Variants in EPS8 observed in about 807,000 individuals in gnomAD.
EPS8 encodes the protein epidermal growth factor receptor kinase substrate 8.
A neutral mutation model predicts 103.8 loss-of-function variants in EPS8; 42 were observed. That is an observed-to-expected ratio of 0.40 (90% CI 0.32 to 0.52). The LOEUF (loss-of-function observed/expected upper bound fraction) is 0.52, where lower values mean the gene tolerates loss of function less well. Ranked by LOEUF, EPS8 falls within the 20% of genes least tolerant of loss-of-function variation. The probability of loss-of-function intolerance (pLI) is 0.40; values close to 1 mark genes in which losing one functional copy is unlikely to be tolerated. For synonymous variants in EPS8, 344 were observed against 344.6 expected (o/e 1.00, Z 0.02); for missense variants, 969 against 1,005.1 (o/e 0.96, Z 0.49).
At chr12:15,625,761 TCTC>T (rs1944934297) in intron 18 of EPS8, among the ~76,000 whole-genome samples, 1 of 151,992 alleles carries the variant, frequency 6.6e-6, no homozygotes, top group Non-Finnish European at 1.5e-5. Flanking sequence ...TATTCTCATC[TCTC>T]CAACTAAGTA....
rs1946536212 is a variant in EPS8 at position 15,716,631 on chromosome 12, C to T, written c.-21-33659G>A. On this transcript the variant is annotated intron_variant, in intron 1 of 20. Coordinates refer to ENST00000281172, the MANE Select transcript of EPS8 (RefSeq NM_004447.6). The surrounding 1 kb of genome is among the most constrained non-coding windows in gnomAD (Gnocchi z 5.0). ...AAAGCTCTTGAAGCTGGAAATTGCA[C>T]ACACACACATCTTTACTGGTAACCT... Among the ~76,000 whole-genome samples, 1 of 152,188 alleles carries T rather than the reference C, an allele frequency of 6.6e-6. No homozygotes were observed. Among genetic ancestry groups the T allele is most frequent in the Admixed American group, 6.5e-5 (1 of 15,286 alleles).
chr12:15,620,501 CAT>C lies in EPS8; in HGVS notation c.*814_*815del, dbSNP rs1303186500. On this transcript the variant is annotated 3_prime_UTR_variant, in exon 21 of 21. Coordinates refer to ENST00000281172, the MANE Select transcript of EPS8 (RefSeq NM_004447.6). ...ATGGCCCCACTTCCTTTTAACTACT[CAT>C]ATCAACATTCAGAACTGAGGCTTTC... 1.3e-5 allele frequency: 2 copies of C among 152,594 alleles called. No homozygotes were observed. Among genetic ancestry groups the C allele is most frequent in the African/African-American group, 2.4e-5 (1 of 41,452 alleles). The allele number at this position is 152,594 out of a possible 1,614,324, so 9.5% of individuals were successfully genotyped here. A position where few individuals can be genotyped will look rare whatever the true frequency, so the allele number is the denominator to read the frequency against.
At chr12:15,723,321 A>T (rs545080580) in intron 1 of EPS8, among the ~76,000 whole-genome samples, 1 of 152,126 alleles carries the variant, frequency 6.6e-6, no homozygotes, top group Admixed American at 6.5e-5. Flanking sequence ...AAAAAAATAT[A>T]TATATATCTT....
Position 15,724,990 on chromosome 12 carries a change from A to G in EPS8, c.-21-42018T>C, listed in dbSNP as rs541596803. On this transcript the variant is annotated intron_variant, in intron 1 of 20. Transcript: ENST00000281172. ...CAATGCATGAAAATAATAAGTCTTC[A>G]GTTCACTTTGTCATTTTGAATTATG... 5.3e-5 allele frequency among the ~76,000 whole-genome samples: 8 copies of G among 152,306 alleles called. No individual in the cohort carries two copies. The South Asian group carries it at 1.4e-3, about 28-fold the overall frequency.
intron 18 of EPS8, among the ~76,000 whole-genome samples, chr12:15,630,740 G>T (rs1348653324): frequency 6.6e-6 from 1 of 152,204 alleles, no homozygotes; most frequent in African/African-American, 2.4e-5. Flanking sequence ...GGCGACAGCA[G>T]GATGTAGTTA....
intron 1 of EPS8, among the ~76,000 whole-genome samples, chr12:15,739,064 A>G (rs369237557): frequency 3.9e-5 from 6 of 152,318 alleles, no homozygotes; most frequent in South Asian, 4.1e-4. Flanking sequence ...AATAGCTAAT[A>G]CTCACTGATA....
rs1270876378 is a variant in EPS8 at position 15,717,154 on chromosome 12, T to C, written c.-21-34182A>G. Among the ~76,000 whole-genome samples the C allele has an allele frequency of 6.6e-6, 1 of 152,222 alleles. No homozygotes were observed. Among genetic ancestry groups the C allele is most frequent in the African/African-American group, 2.4e-5 (1 of 41,450 alleles). On this transcript the variant is annotated intron_variant, in intron 1 of 20. Transcript: ENST00000281172. This position sits in a 1 kb window ranked among gnomAD's most constrained non-coding sequence, Gnocchi z 4.3. ...ATATGACTTATCTTTGGGAGAATCA[T>C]ATCTAACTACAATTATAGTCATGCA...
chr12:15,662,517 CACTGTG>C, intron 8 of EPS8: 1 of 988,134 alleles, frequency 1.0e-6, no homozygotes, highest in Non-Finnish European at 1.2e-6. Flanking sequence ...TACATTCCAA[CACTGTG>C]ACTACAATAA....
At chr12:15,740,073 C>G (rs1256232045) in intron 1 of EPS8, among the ~76,000 whole-genome samples, 8 of 151,840 alleles carry the variant, frequency 5.3e-5, no homozygotes, top group African/African-American at 1.9e-4. Flanking sequence ...AAAAAGCATG[C>G]TCAAAGAAAA....
chr12:15,644,924 T>A (rs1945295560), intron 15 of EPS8, among the ~76,000 whole-genome samples: 1 of 152,120 alleles, frequency 6.6e-6, no homozygotes, highest in Admixed American at 6.6e-5. Flanking sequence ...CATGTATTTA[T>A]CAACTATCCT....
In EPS8 at chr12:15,757,520, C is replaced by T. The variant is rs911652878; in HGVS notation, c.-22+31641G>A. Among the ~76,000 whole-genome samples the T allele has an allele frequency of 6.6e-6, 1 of 152,052 alleles. No homozygotes were observed. Among genetic ancestry groups the T allele is most frequent in the African/African-American group, 2.4e-5 (1 of 41,402 alleles). ...TGGCGCATGCCTGTAATCCCAGTTG[C>T]TCAGGAGGCTGAGGCAGGAGAATCG... is the stretch of plus-strand genomic sequence containing the variant. On this transcript the variant is annotated intron_variant, in intron 1 of 20. Transcript: ENST00000281172. This position sits in a 1 kb window ranked among gnomAD's most constrained non-coding sequence, Gnocchi z 4.1.
intron 18 of EPS8, among the ~76,000 whole-genome samples, chr12:15,629,088 G>A (rs1250498279): frequency 6.6e-6 from 1 of 152,196 alleles, no homozygotes; most frequent in African/African-American, 2.4e-5. Context: ...AAGGAAACAA[G>A]TATGTGTGTT....
chr12:15,663,956 T>A (rs1357260122), intron 8 of EPS8, among the ~76,000 whole-genome samples: 1,061 of 24,388 alleles, frequency 0.044, 45 homozygotes, highest in African/African-American at 0.15. Context: ...ATAATATATA[T>A]ATATATATAT....
Position 15,647,115 on chromosome 12 carries a change from A to G in EPS8, c.1568+12T>C. ...ATCCACAGCTCTCCAAAGGGTGCCC[A>G]TTAAATGTTACCTATCTATATGGCG... On this transcript the variant is annotated intron_variant, in intron 15 of 20. Transcript: ENST00000281172. 1 of 1,611,312 alleles carries G rather than the reference A, an allele frequency of 6.2e-7. No homozygotes were observed. Among genetic ancestry groups the G allele is most frequent in the Non-Finnish European group, 8.5e-7 (1 of 1,178,664 alleles).
At chr12:15,643,741 A>G (rs12813457) in intron 15 of EPS8, among the ~76,000 whole-genome samples, 289 of 7,680 alleles carry the variant, frequency 0.038, 10 homozygotes, top group Non-Finnish European at 0.19. Context: ...CTCTGTCTCG[A>G]AAAAAAAAAA....
At chr12:15,755,680 T>A (rs1946979418) in intron 1 of EPS8, among the ~76,000 whole-genome samples, 1 of 152,166 alleles carries the variant, frequency 6.6e-6, no homozygotes, top group Non-Finnish European at 1.5e-5. Context: ...CTGGTCTCTT[T>A]ATCCTAAGTA....
At position 15,631,592 on chromosome 12, in the gene EPS8, G is replaced by A; in HGVS notation, c.1894C>T (p.Pro632Ser). Residue 632 changes from proline to serine, a missense_variant, in exon 18 of 21, where the codon CCT (proline) becomes TCT (serine). Physicochemically the swap from Pro to Ser is moderately conservative, Grantham distance 74 (BLOSUM62 -1). Transcript: ENST00000281172. ...PAPSPPPTPA[P>S]VPVPLPPSTP... ...GAAGGGGGAAGGGGAACAGGAACAG[G>A]AGCTGGTGTTGGAGGAGGTGATGGA... The A allele has an allele frequency of 6.2e-7, 1 of 1,614,088 alleles. No individual in the cohort carries two copies. The highest frequency in any genetic ancestry group is 8.5e-7 in the Non-Finnish European group (1 of 1,179,982).
chr12:15,775,613 C>CA (rs201711567), intron 1 of EPS8, among the ~76,000 whole-genome samples: 2,162 of 151,894 alleles, frequency 0.014, 58 homozygotes, highest in African/African-American at 0.049. Flanking sequence ...GCGAGAAAAG[C>CA]AAAAAAGATT....
intron 1 of EPS8, among the ~76,000 whole-genome samples, chr12:15,770,164 C>T (rs1291117393): frequency 6.6e-6 from 1 of 151,042 alleles, no homozygotes; most frequent in Non-Finnish European, 1.5e-5. Flanking sequence ...GTCTCAAACT[C>T]CTGGACTCAA....
Sources: gnomAD v4.1 joint callset for allele counts (sites outside exome capture counted in the v4.1 genomes callset) on GRCh38, gnomAD v4.1.1 for gene constraint, Gnocchi (gnomAD v3.1) non-coding constraint, MANE v1.5 for transcripts, NCBI Gene and HGNC (gene_info 2026-07-23, HGNC 2026-07-21) for gene names.